The following TOPBP1 variants were observed in gnomAD, a reference collection of about 807,000 sequenced individuals.
The protein encoded by TOPBP1 is DNA topoisomerase II binding protein 1, also known as DNA topoisomerase 2-binding protein 1.
Under a neutral mutation model 167.7 loss-of-function variants are expected in TOPBP1, and 28 were observed. The observed-to-expected ratio is 0.17, with a 90% CI of 0.12 to 0.23. TOPBP1 has a LOEUF of 0.23. Ranked by LOEUF, TOPBP1 falls within the 10% of genes least tolerant of loss-of-function variation. The pLI is 1.00. For synonymous variants in TOPBP1, 598 were observed against 611.4 expected, an observed-to-expected ratio of 0.98 and a Z score of 0.32; for missense variants, 1,554 against 1,809.6, an observed-to-expected ratio of 0.86 and a Z score of 2.56.
intron 23 of TOPBP1, among the ~76,000 whole-genome samples, chr3:133,613,932 A>T (rs1576681200): frequency 6.6e-6 from 1 of 152,002 alleles, no homozygotes; most frequent in East Asian, 1.9e-4. Context: ...AGCTGGGATT[A>T]CAGGTGCCCG....
chr3:133,613,642 T>C (rs1316786187), intron 23 of TOPBP1, among the ~76,000 whole-genome samples: 1 of 152,146 alleles, frequency 6.6e-6, no homozygotes, highest in Non-Finnish European at 1.5e-5. Flanking sequence ...TTGAACCTCT[T>C]CTCAGATATA....
At chr3:133,612,961 G>A (rs968230642) in intron 23 of TOPBP1, among the ~76,000 whole-genome samples, 1 of 152,084 alleles carries the variant, frequency 6.6e-6, no homozygotes, top group Non-Finnish European at 1.5e-5. Flanking sequence ...TCCAGCTCAA[G>A]CGATTCTCCT....
intron 14 of TOPBP1, among the ~76,000 whole-genome samples, chr3:133,629,630 TGA>T (rs1220580408): frequency 6.6e-6 from 1 of 152,190 alleles, no homozygotes; most frequent in African/African-American, 2.4e-5. Context: ...GAGCAAAGTA[TGA>T]GTGTGTGTGT....
intron 14 of TOPBP1, among the ~76,000 whole-genome samples, chr3:133,630,932 C>T (rs1032417206): frequency 3.3e-5 from 5 of 152,148 alleles, no homozygotes; most frequent in African/African-American, 9.7e-5. Flanking sequence ...TGGTTGTTCA[C>T]GCTTGTAATT....
At chr3:133,624,469 G>C (rs1235501738) in intron 16 of TOPBP1, among the ~76,000 whole-genome samples, 1 of 151,864 alleles carries the variant, frequency 6.6e-6, no homozygotes, top group African/African-American at 2.4e-5. Flanking sequence ...GCAAGACCCC[G>C]CCTCAAGAAA....
chr3:133,608,978 A>C lies in TOPBP1; in HGVS notation c.4174-16T>G. The C allele has an allele frequency of 6.3e-7, 1 of 1,588,218 alleles. No individual in the cohort carries two copies. ...TAAATGCTCCCTACAAATAAAAAAC[A>C]ATCAGTGGTGAAATCATTTGGAAAA... is the stretch of plus-strand genomic sequence containing the variant. On this transcript the variant is annotated splice_polypyrimidine_tract_variant and intron_variant, in intron 25 of 27. Transcript: ENST00000260810.
chr3:133,623,060 A>G (rs561944789), intron 19 of TOPBP1, 31 bp downstream of exon 19: 1 of 1,391,990 alleles, frequency 7.2e-7, no homozygotes. Flanking sequence ...CTCAAAAAAA[A>G]TTTTTTTAAT....
intron 20 of TOPBP1, among the ~76,000 whole-genome samples, chr3:133,619,393 T>A (rs1935010500): frequency 6.6e-6 from 1 of 152,200 alleles, no homozygotes; most frequent in Non-Finnish European, 1.5e-5. Context: ...GTTTATCTTA[T>A]ACTTAATTCA....
At position 133,631,092 on chromosome 3, in the gene TOPBP1, G is replaced by C. The variant is rs35717736; in HGVS notation, c.2521-2359C>G. On this transcript the variant is annotated intron_variant, in intron 14 of 27. Transcript: ENST00000260810. ...TAGTCTGAGTTACTCCAGAGGCTGA[G>C]GTGGGAGGACTGCTTGAGCCCAGGA... Among the ~76,000 whole-genome samples the C allele has an allele frequency of 8.8e-3, 1,333 of 152,184 alleles. 23 individuals are homozygous for C. The highest frequency in any genetic ancestry group is 0.037 in the East Asian group (191 of 5,166).
At chr3:133,606,941 A>G (rs115960810) in intron 27 of TOPBP1, among the ~76,000 whole-genome samples, 4 of 151,902 alleles carry the variant, frequency 2.6e-5, no homozygotes, top group Non-Finnish European at 5.9e-5. Context: ...ACACACCAAC[A>G]AACAAACAAA....
chr3:133,613,462 G>A (rs755619641), intron 23 of TOPBP1, among the ~76,000 whole-genome samples: 6 of 152,130 alleles, frequency 3.9e-5, no homozygotes, highest in East Asian at 1.9e-4. Flanking sequence ...TTCAAGCACC[G>A]AATATGGGTA....
intron 1 of TOPBP1, 72 bp from the exon 2 acceptor site, chr3:133,661,206 A>AT: frequency 8.6e-7 from 1 of 1,166,740 alleles, no homozygotes; most frequent in Non-Finnish European, 1.2e-6. Context: ...TAACCTACCT[A>AT]TTTTTCTGTG....
chr3:133,609,227 T>G (rs985711971), intron 25 of TOPBP1, among the ~76,000 whole-genome samples: 1 of 152,186 alleles, frequency 6.6e-6, no homozygotes, highest in Admixed American at 6.5e-5. Context: ...TGATGTTTAG[T>G]CTTTTCTAGT....
intron 13 of TOPBP1, 145 bp downstream of exon 13, chr3:133,639,814 A>G: frequency 1.4e-6 from 1 of 707,464 alleles, no homozygotes; most frequent in South Asian, 1.9e-5. Context: ...TTACATCTGT[A>G]GACTTCGAAC....
intron 13 of TOPBP1, 110 bp from the exon 14 acceptor site, chr3:133,638,272 A>G (rs1935748417): frequency 9.4e-7 from 1 of 1,064,352 alleles, no homozygotes; most frequent in Admixed American, 2.7e-5. Context: ...TTCTTGCATA[A>G]CTCCTGGGCT....
At chr3:133,644,745 A>T (rs1203871146) in intron 10 of TOPBP1, among the ~76,000 whole-genome samples, 1 of 152,222 alleles carries the variant, frequency 6.6e-6, no homozygotes, top group African/African-American at 2.4e-5. Flanking sequence ...TATAACTGTC[A>T]AGTCCTTAAC....
At chr3:133,647,072 A>G (rs1170248774) in intron 10 of TOPBP1, among the ~76,000 whole-genome samples, 1 of 152,190 alleles carries the variant, frequency 6.6e-6, no homozygotes, top group Non-Finnish European at 1.5e-5. Flanking sequence ...AGGAGAGTAT[A>G]CCCTGAGAGA....
chr3:133,626,369 A>G (rs1234611150), intron 16 of TOPBP1, among the ~76,000 whole-genome samples: 2 of 152,212 alleles, frequency 1.3e-5, no homozygotes, highest in Non-Finnish European at 2.9e-5. Context: ...TGCTACTAGC[A>G]TGCAGTGGGT....
chr3:133,613,406 C>T (rs1006300647), intron 23 of TOPBP1, among the ~76,000 whole-genome samples: 3 of 152,190 alleles, frequency 2.0e-5, no homozygotes, highest in Admixed American at 1.3e-4. Context: ...ATGAGCCACA[C>T]GCTGTAGTTG....
Sources: gnomAD v4.1 joint callset for allele counts (sites outside exome capture counted in the v4.1 genomes callset) on GRCh38, gnomAD v4.1.1 for gene constraint, MANE v1.5 for transcripts, NCBI Gene and HGNC (gene_info 2026-07-23, HGNC 2026-07-21) for gene names.